The following ZBTB7C variants were observed in gnomAD, a reference collection of about 807,000 sequenced individuals.
The protein encoded by ZBTB7C is zinc finger and BTB domain containing 7C.
Under a neutral mutation model 25.7 loss-of-function variants are expected in ZBTB7C, and 8 were observed. That is an observed-to-expected ratio of 0.31 (90% CI 0.18 to 0.56). ZBTB7C has a LOEUF of 0.56. Ranked by LOEUF, ZBTB7C falls within the 20% of genes least tolerant of loss-of-function variation. The pLI is 0.91. For synonymous variants in ZBTB7C, 394 were observed against 369.0 expected, an observed-to-expected ratio of 1.07 and a Z score of -0.78; for missense variants, 824 against 855.2, an observed-to-expected ratio of 0.96 and a Z score of 0.46.
At chr18:48,354,614 A>T (rs954155839) in intron 1 of ZBTB7C, among the ~76,000 whole-genome samples, 1 of 152,130 alleles carries the variant, frequency 6.6e-6, no homozygotes. Flanking sequence ...TTCTCTATTC[A>T]TGTGGTTTTC....
chr18:48,350,264 A>C (rs2145034822), intron 1 of ZBTB7C, among the ~76,000 whole-genome samples: 1 of 152,248 alleles, frequency 6.6e-6, no homozygotes, highest in East Asian at 1.9e-4. Flanking sequence ...GGCTCTAGGG[A>C]GGAACATCTC....
intron 1 of ZBTB7C, among the ~76,000 whole-genome samples, chr18:48,361,315 G>C (rs1328333984): frequency 6.6e-6 from 1 of 152,108 alleles, no homozygotes; most frequent in African/African-American, 2.4e-5. Context: ...CTATAAGACA[G>C]GCACTAATAT....
chr18:48,107,147 G>A (rs1349530791), intron 3 of ZBTB7C, among the ~76,000 whole-genome samples: 2 of 150,808 alleles, frequency 1.3e-5, no homozygotes, highest in South Asian at 2.1e-4. Flanking sequence ...TGTGGGGAGG[G>A]GCATTGGAGA....
At chr18:48,346,192 G>A (rs2145005208) in intron 1 of ZBTB7C, among the ~76,000 whole-genome samples, 1 of 152,266 alleles carries the variant, frequency 6.6e-6, no homozygotes, top group African/African-American at 2.4e-5. Flanking sequence ...ACCCTAAAAT[G>A]TGTGTACTTT....
intron 3 of ZBTB7C, among the ~76,000 whole-genome samples, chr18:48,177,921 C>T (rs2041739163): frequency 6.6e-6 from 1 of 152,100 alleles, no homozygotes; most frequent in Non-Finnish European, 1.5e-5. Flanking sequence ...TCCAGGGAGG[C>T]CTCAGACCAG....
chr18:48,064,986 C>T (rs948677357), intron 3 of ZBTB7C, among the ~76,000 whole-genome samples: 1 of 152,220 alleles, frequency 6.6e-6, no homozygotes, highest in African/African-American at 2.4e-5. Flanking sequence ...ACTCTGCAGT[C>T]ACAGACTTTA....
At chr18:48,099,155 G>A (rs1226126138) in intron 3 of ZBTB7C, among the ~76,000 whole-genome samples, 1 of 152,204 alleles carries the variant, frequency 6.6e-6, no homozygotes, top group Non-Finnish European at 1.5e-5. Context: ...CACAATAGTT[G>A]TCCTCTGCAA....
At chr18:48,307,247 G>C (rs1335873790) in intron 2 of ZBTB7C, among the ~76,000 whole-genome samples, 2 of 152,184 alleles carry the variant, frequency 1.3e-5, no homozygotes, top group Non-Finnish European at 2.9e-5. Context: ...TCCAGGCTCC[G>C]TGTTCTACGA....
At chr18:48,047,420 CT>C (rs1235227546) in intron 3 of ZBTB7C, among the ~76,000 whole-genome samples, 2 of 151,392 alleles carry the variant, frequency 1.3e-5, no homozygotes, top group East Asian at 3.9e-4. Context: ...AAGTATGAAC[CT>C]TTGGTAGGAA....
chr18:48,140,568 G>C (rs1478657528), intron 3 of ZBTB7C, among the ~76,000 whole-genome samples: 1 of 152,212 alleles, frequency 6.6e-6, no homozygotes, highest in African/African-American at 2.4e-5. Flanking sequence ...CTAAGGGGCA[G>C]TGTGGTTTGC....
rs1456912899 is a variant in ZBTB7C, at chr18:48,029,626, C to T, written c.1494G>A (p.Pro498=). Residue 498 remains proline (P), a synonymous_variant, in exon 5 of 5, where the codon CCG becomes CCA. Transcript: ENST00000590800. ...AASLLFGPGG[P]APDKAAFVMP... ...TCACGAAGGCCGCCTTGTCGGGGGC[C>T]GGGCCGCCGGGCCCGAAGAGCAGGC... is the stretch of plus-strand genomic sequence containing the variant. The T allele has an allele frequency of 4.7e-6, 7 of 1,498,524 alleles. No individual in the cohort carries two copies. The highest frequency in any genetic ancestry group is 2.5e-5 in the East Asian group (1 of 40,438). 92.8% of individuals were successfully genotyped at this position (1,498,524 alleles called of 1,614,324 possible). A position where few individuals can be genotyped will look rare whatever the true frequency, so the allele number is the denominator to read the frequency against.
chr18:48,184,579 C>T (rs2042008492), intron 3 of ZBTB7C, among the ~76,000 whole-genome samples: 1 of 152,066 alleles, frequency 6.6e-6, no homozygotes, highest in Admixed American at 6.6e-5. Flanking sequence ...TAACTAGCTA[C>T]CTTCTCCTGC....
At chr18:48,268,292 C>T (rs190418377) in intron 2 of ZBTB7C, among the ~76,000 whole-genome samples, 61 of 152,288 alleles carry the variant, frequency 4.0e-4, no homozygotes, top group African/African-American at 1.4e-3. Context: ...TTGCATGAGA[C>T]ACTTGTTTAA....
intron 2 of ZBTB7C, among the ~76,000 whole-genome samples, chr18:48,294,012 A>G (rs1400201970): frequency 6.6e-6 from 1 of 152,038 alleles, no homozygotes; most frequent in East Asian, 1.9e-4. Flanking sequence ...GAGGTGCTGG[A>G]GCTTGGGCCT....
At chr18:48,077,161 G>T (rs550784163) in intron 3 of ZBTB7C, among the ~76,000 whole-genome samples, 7 of 152,100 alleles carry the variant, frequency 4.6e-5, no homozygotes, top group African/African-American at 1.2e-4. Context: ...CTGCAGGGGT[G>T]GGGTGGAGGA....
At chr18:48,156,965 C>T (rs192419396) in intron 3 of ZBTB7C, among the ~76,000 whole-genome samples, 6 of 152,228 alleles carry the variant, frequency 3.9e-5, no homozygotes, top group Non-Finnish European at 7.4e-5. Context: ...GAGGCTTTCC[C>T]CAACCTTTAG....
In ZBTB7C at chr18:48,259,375, A is replaced by G. The variant is rs1470945630; in HGVS notation, c.-78-73380T>C. ...AAAAGCTAAATATATACCTTCTACCATACACAAAATAAACTCAAAAGGGAC... is the reference window on the plus strand; with the variant it reads ...AAAAGCTAAATATATACCTTCTACCGTACACAAAATAAACTCAAAAGGGAC... On this transcript the variant is annotated intron_variant, in intron 2 of 4. Coordinates refer to ENST00000590800, the MANE Select transcript of ZBTB7C (RefSeq NM_001318841.2). 2.7e-5 allele frequency among the ~76,000 whole-genome samples: 4 copies of G among 148,316 alleles called. 1 individual carries two copies. Among genetic ancestry groups the G allele is most frequent in the African/African-American group, 7.7e-5 (3 of 38,858 alleles).
intron 1 of ZBTB7C, chr18:48,408,382 C>T (rs2048330225): frequency 6.6e-6 from 1 of 152,274 alleles, no homozygotes; most frequent in Non-Finnish European, 1.5e-5. Flanking sequence ...CACGCAGTTC[C>T]CGTGCGTGTC....
intron 3 of ZBTB7C, among the ~76,000 whole-genome samples, chr18:48,121,917 C>G (rs1300734037): frequency 6.6e-6 from 1 of 152,176 alleles, no homozygotes. Flanking sequence ...CACCAAGCAG[C>G]AGCAGAGACC....
Sources: allele counts gnomAD v4.1 joint callset (sites outside exome capture counted in the v4.1 genomes callset), GRCh38; gene constraint gnomAD v4.1.1; transcripts MANE v1.5; gene names NCBI Gene and HGNC (gene_info 2026-07-23, HGNC 2026-07-21).